The following SIPA1L1 variants were observed in gnomAD, a reference collection of about 807,000 sequenced individuals.
SIPA1L1 encodes signal induced proliferation associated 1 like 1.
SIPA1L1 carries 26 observed loss-of-function variants against 162.7 expected under a neutral mutation model. That is an observed-to-expected ratio of 0.16 (90% CI 0.12 to 0.22). The LOEUF (loss-of-function observed/expected upper bound fraction) is 0.22. SIPA1L1 is among the 10% of genes least tolerant of loss of function. The pLI, the probability that SIPA1L1 is intolerant of heterozygous loss-of-function variation, is 1.00. For missense variants in SIPA1L1, 1,874 were observed against 2,241.0 expected (o/e 0.84, Z 3.31); for synonymous variants, 829 against 837.4 (o/e 0.99, Z 0.17).
At chr14:71,333,478 G>T (rs1241049971) in intron 2 of SIPA1L1, among the ~76,000 whole-genome samples, 1 of 152,186 alleles carries the variant, frequency 6.6e-6, no homozygotes, top group Non-Finnish European at 1.5e-5. Flanking sequence ...TACATGAAAA[G>T]ATTCAGTTAT....
chr14:71,486,529 G>T (rs971793880), intron 2 of SIPA1L1, among the ~76,000 whole-genome samples: 2 of 152,156 alleles, frequency 1.3e-5, no homozygotes, highest in Non-Finnish European at 2.9e-5. Flanking sequence ...TGTTTAAATG[G>T]GCACTTTGCC....
At chr14:71,578,675 CA>C (rs2033474361) in intron 4 of SIPA1L1, among the ~76,000 whole-genome samples, 1 of 152,204 alleles carries the variant, frequency 6.6e-6, no homozygotes, top group African/African-American at 2.4e-5. Context: ...GATACATTTG[CA>C]GTACTTTACT....
intron 7 of SIPA1L1, among the ~76,000 whole-genome samples, chr14:71,633,947 T>TC (rs1198138925): frequency 3.3e-5 from 5 of 151,188 alleles, no homozygotes; most frequent in African/African-American, 7.3e-5. Flanking sequence ...CCAAATTTGG[T>TC]CAAAGGTGTA....
intron 13 of SIPA1L1, among the ~76,000 whole-genome samples, chr14:71,693,872 A>G (rs2081428865): frequency 6.6e-6 from 1 of 152,138 alleles, no homozygotes; most frequent in Non-Finnish European, 1.5e-5. Context: ...TCAAGCATTT[A>G]ATTTGTCCAT....
intron 16 of SIPA1L1, among the ~76,000 whole-genome samples, chr14:71,707,590 A>AT (rs2082543174): frequency 6.6e-6 from 1 of 152,192 alleles, no homozygotes; most frequent in Non-Finnish European, 1.5e-5. Context: ...TCTCTCGCTG[A>AT]TTATGTTCCC....
intron 2 of SIPA1L1, among the ~76,000 whole-genome samples, chr14:71,463,640 C>T (rs187958480): frequency 1.3e-5 from 2 of 152,244 alleles, no homozygotes; most frequent in East Asian, 3.9e-4. Context: ...CAAGGGGACC[C>T]GGCCTCCCCT....
At chr14:71,465,552 A>C (rs2046930163) in intron 2 of SIPA1L1, among the ~76,000 whole-genome samples, 1 of 152,196 alleles carries the variant, frequency 6.6e-6, no homozygotes. Context: ...AACTCTAAAC[A>C]GTTCGTGCCA....
At chr14:71,352,216 C>CT (rs2036789133) in intron 2 of SIPA1L1, among the ~76,000 whole-genome samples, 1 of 152,062 alleles carries the variant, frequency 6.6e-6, no homozygotes, top group South Asian at 2.1e-4. Context: ...CAGTCTCACT[C>CT]TGTTACCCAG....
chr14:71,450,314 G>A (rs1344691755), intron 2 of SIPA1L1, among the ~76,000 whole-genome samples: 1 of 152,130 alleles, frequency 6.6e-6, no homozygotes, highest in East Asian at 1.9e-4. Flanking sequence ...ACTTCCTAAG[G>A]TGTCAGTTTA....
intron 2 of SIPA1L1, among the ~76,000 whole-genome samples, chr14:71,469,258 C>G (rs2142137655): frequency 6.6e-6 from 1 of 152,300 alleles, no homozygotes; most frequent in African/African-American, 2.4e-5. Flanking sequence ...GCATCCCCAG[C>G]ATCACTCTAG....
chr14:71,536,122 C>CAA (rs937131931), intron 4 of SIPA1L1, among the ~76,000 whole-genome samples: 17 of 91,576 alleles, frequency 1.9e-4, no homozygotes, highest in East Asian at 3.2e-4. Flanking sequence ...CAATAGCTTT[C>CAA]AAAAAAAAAA....
rs181639099 is a variant in SIPA1L1, at chr14:71,538,996, A to C, written c.-303+9626A>C. 1.8e-4 allele frequency among the ~76,000 whole-genome samples: 27 copies of C among 152,334 alleles called. 1 individual carries two copies. The highest frequency in any genetic ancestry group is 1.3e-3 in the East Asian group (7 of 5,186). ...ATCTGGGAGAACACAGTGGTCTACA[A>C]AGTAGCTTCTTAGTATTTCTCAACT... On this transcript the variant is annotated intron_variant, in intron 4 of 23. Coordinates refer to ENST00000381232, the MANE Select transcript of SIPA1L1 (RefSeq NM_001386936.1).
intron 2 of SIPA1L1, among the ~76,000 whole-genome samples, chr14:71,474,204 T>C (rs575316848): frequency 2.6e-5 from 4 of 152,336 alleles, no homozygotes; most frequent in African/African-American, 9.6e-5. Context: ...GAGCCGTAAA[T>C]AGTTGGCAGA....
At chr14:71,453,148 A>G (rs2045944400) in intron 2 of SIPA1L1, among the ~76,000 whole-genome samples, 1 of 152,382 alleles carries the variant, frequency 6.6e-6, no homozygotes, top group Middle Eastern at 3.4e-3. Context: ...AACTTAAGAA[A>G]TCTAAAAGGA....
intron 5 of SIPA1L1, among the ~76,000 whole-genome samples, chr14:71,611,407 A>T (rs978627681): frequency 6.7e-5 from 10 of 148,852 alleles, no homozygotes; most frequent in Non-Finnish European, 1.3e-4. Flanking sequence ...AATTTAATTT[A>T]ATGTTATGTT....
At chr14:71,713,163 T>A (rs1377852341) in intron 17 of SIPA1L1, among the ~76,000 whole-genome samples, 3 of 152,226 alleles carry the variant, frequency 2.0e-5, no homozygotes, top group Non-Finnish European at 4.4e-5. Flanking sequence ...GAGGTCAATC[T>A]GGGCAACATA....
intron 5 of SIPA1L1, among the ~76,000 whole-genome samples, chr14:71,604,604 G>A (rs2037258631): frequency 6.6e-6 from 1 of 152,094 alleles, no homozygotes; most frequent in Non-Finnish European, 1.5e-5. Context: ...TGCTTGTCTT[G>A]GAAAGACTCT....
intron 2 of SIPA1L1, among the ~76,000 whole-genome samples, chr14:71,365,488 C>T (rs918902980): frequency 3.2e-4 from 49 of 152,214 alleles, no homozygotes; most frequent in African/African-American, 1.1e-3. Flanking sequence ...GCCTTTGTGT[C>T]GTCTGTGTGC....
intron 10 of SIPA1L1, among the ~76,000 whole-genome samples, chr14:71,666,328 A>G (rs2044001674): frequency 6.6e-6 from 1 of 152,220 alleles, no homozygotes; most frequent in African/African-American, 2.4e-5. Flanking sequence ...TTCAACAAGT[A>G]AGTTGCAAGA....
Sources: gnomAD v4.1 joint callset for allele counts (sites outside exome capture counted in the v4.1 genomes callset) on GRCh38, gnomAD v4.1.1 for gene constraint, MANE v1.5 for transcripts, NCBI Gene and HGNC (gene_info 2026-07-23, HGNC 2026-07-21) for gene names.